CCDC178: variants seen among roughly 807,000 people sequenced by gnomAD.
CCDC178 encodes coiled-coil domain containing 178, also known as coiled-coil domain-containing protein 178.
Under a neutral mutation model 117.4 loss-of-function variants are expected in CCDC178, and 126 were observed. The ratio of observed to expected loss-of-function variants is 1.07; its 90% CI spans 0.93 to 1.24. The LOEUF (loss-of-function observed/expected upper bound fraction) is 1.24, where lower values mean the gene tolerates loss of function less well. Among genes scored for constraint, CCDC178 ranks in the 50% most tolerant of loss-of-function variants. The pLI, the probability that CCDC178 is intolerant of heterozygous loss-of-function variation, is 0.00. For missense variants in CCDC178, 1,030 were observed against 986.9 expected (o/e 1.04, Z -0.59); for synonymous variants, 283 against 313.4 (o/e 0.90, Z 1.02).
At chr18:33,039,003 A>G (rs1235258465) in intron 21 of CCDC178, among the ~76,000 whole-genome samples, 1 of 152,048 alleles carries the variant, frequency 6.6e-6, no homozygotes, top group Non-Finnish European at 1.5e-5. Flanking sequence ...ATTTTAAACT[A>G]CAATTTACAA....
At chr18:33,340,341 T>C (rs2062800408) in intron 9 of CCDC178, among the ~76,000 whole-genome samples, 1 of 152,104 alleles carries the variant, frequency 6.6e-6, no homozygotes, top group African/African-American at 2.4e-5. Context: ...TTAAAAGCAT[T>C]CCATTTTAAA....
intron 19 of CCDC178, among the ~76,000 whole-genome samples, chr18:33,213,107 T>C (rs1473210897): frequency 6.6e-6 from 1 of 152,006 alleles, no homozygotes; most frequent in African/African-American, 2.4e-5. Context: ...TATGAAATAA[T>C]AATGAGATAG....
intron 2 of CCDC178, among the ~76,000 whole-genome samples, chr18:33,421,030 G>A (rs1486542682): frequency 6.6e-6 from 1 of 152,138 alleles, no homozygotes; most frequent in Non-Finnish European, 1.5e-5. Context: ...GTGGAAGTGG[G>A]AGGGAGTCTA....
intron 6 of CCDC178, 58 bp from the exon 7 acceptor site, chr18:33,356,404 T>C: frequency 2.2e-6 from 3 of 1,375,070 alleles, no homozygotes; most frequent in South Asian, 2.8e-5. Flanking sequence ...AAAAACTGAA[T>C]AAATGTCACT....
intron 21 of CCDC178, among the ~76,000 whole-genome samples, chr18:33,029,753 G>A (rs1273813518): frequency 6.6e-6 from 1 of 151,740 alleles, no homozygotes; most frequent in African/African-American, 2.4e-5. Flanking sequence ...TTCACTTGCT[G>A]TTTTTTCAGG....
At chr18:32,984,123 C>G (rs1400697761) in intron 21 of CCDC178, among the ~76,000 whole-genome samples, 1 of 151,832 alleles carries the variant, frequency 6.6e-6, no homozygotes, top group African/African-American at 2.4e-5. Flanking sequence ...CTTAGATGTA[C>G]TTAAGAAAAA....
Position 33,006,268 on chromosome 18 carries a change from A to G in CCDC178, c.2389-31587T>C, listed in dbSNP as rs1483437783. On this transcript the variant is annotated intron_variant, in intron 21 of 22. Coordinates refer to ENST00000383096, the MANE Select transcript of CCDC178 (RefSeq NM_001105528.4). The stretch of plus-strand genomic sequence containing the variant: ...AAGAGGGAAGAATTCCTAATGCTTC[A>G]ATGCATTATGTAAGCTAATTTACCT... Among the ~76,000 whole-genome samples, 4 of 152,058 alleles carry G rather than the reference A, an allele frequency of 2.6e-5. No individual in the cohort carries two copies. The East Asian group carries it at 7.7e-4, about 29-fold the overall frequency.
intron 21 of CCDC178, among the ~76,000 whole-genome samples, chr18:32,982,305 A>C (rs2055170091): frequency 6.6e-6 from 1 of 152,174 alleles, no homozygotes; most frequent in Non-Finnish European, 1.5e-5. Context: ...ATCAGACATC[A>C]CAACAGTCTT....
intron 21 of CCDC178, among the ~76,000 whole-genome samples, chr18:33,076,876 T>C (rs973244288): frequency 2.0e-5 from 3 of 152,170 alleles, no homozygotes; most frequent in Admixed American, 1.3e-4. Flanking sequence ...CATCTTTGTG[T>C]CTGTAGCAAT....
chr18:33,101,376 CA>C (rs2057625944), intron 20 of CCDC178, among the ~76,000 whole-genome samples: 1 of 151,718 alleles, frequency 6.6e-6, no homozygotes, highest in Admixed American at 6.6e-5. Flanking sequence ...CTGATTTGAA[CA>C]GTTTAAGATG....
intron 2 of CCDC178, among the ~76,000 whole-genome samples, chr18:33,437,020 A>C (rs1441523989): frequency 6.6e-6 from 1 of 152,192 alleles, no homozygotes; most frequent in Non-Finnish European, 1.5e-5. Context: ...GCCCGTTATA[A>C]AGTTGTTCTG....
intron 20 of CCDC178, among the ~76,000 whole-genome samples, chr18:33,192,704 C>T (rs559942393): frequency 6.6e-6 from 1 of 151,406 alleles, no homozygotes; most frequent in Admixed American, 6.6e-5. Flanking sequence ...AGTTTGAGAT[C>T]AGCCTGGCCA....
chr18:33,302,220 C>A (rs953435255), intron 11 of CCDC178, among the ~76,000 whole-genome samples: 5 of 152,140 alleles, frequency 3.3e-5, no homozygotes, highest in African/African-American at 1.2e-4. Flanking sequence ...CTTCCTGAGG[C>A]CCTTTCCAGA....
chr18:33,177,494 G>A (rs2058677376), intron 20 of CCDC178, among the ~76,000 whole-genome samples: 1 of 152,028 alleles, frequency 6.6e-6, no homozygotes, highest in Non-Finnish European at 1.5e-5. Context: ...CTGCATCCTT[G>A]GGGAGTTGGC....
intron 2 of CCDC178, among the ~76,000 whole-genome samples, chr18:33,417,173 A>G (rs916531840): frequency 2.0e-5 from 3 of 152,208 alleles, no homozygotes; most frequent in African/African-American, 7.2e-5. Flanking sequence ...CACAATAGCC[A>G]AAACCTGCAC....
intron 21 of CCDC178, among the ~76,000 whole-genome samples, chr18:33,011,879 G>A (rs921805870): frequency 1.3e-5 from 2 of 150,264 alleles, no homozygotes; most frequent in Non-Finnish European, 3.0e-5. Flanking sequence ...TGATGGTTAC[G>A]GTGGGCTGCA....
chr18:33,228,597 A>G (rs1479960625), intron 15 of CCDC178, among the ~76,000 whole-genome samples: 1 of 152,256 alleles, frequency 6.6e-6, no homozygotes, highest in African/African-American at 2.4e-5. Flanking sequence ...AAATTTGTAC[A>G]CTGCATGGGC....
At chr18:33,346,030 G>A (rs1429901457) in intron 9 of CCDC178, among the ~76,000 whole-genome samples, 181 bp downstream of exon 9, 2 of 151,922 alleles carry the variant, frequency 1.3e-5, no homozygotes, top group African/African-American at 2.4e-5. Flanking sequence ...TTTTCACCAC[G>A]TTTCTTAGGC....
At chr18:33,188,736 A>G (rs1164357283) in intron 20 of CCDC178, among the ~76,000 whole-genome samples, 1 of 152,192 alleles carries the variant, frequency 6.6e-6, no homozygotes, top group African/African-American at 2.4e-5. Context: ...TTCCAGTAGG[A>G]AATGCAACTC....
Sources: gnomAD v4.1 joint callset for allele counts (sites outside exome capture counted in the v4.1 genomes callset) on GRCh38, gnomAD v4.1.1 for gene constraint, MANE v1.5 for transcripts, NCBI Gene and HGNC (gene_info 2026-07-23, HGNC 2026-07-21) for gene names.